The following CDH13 variants were observed in gnomAD, a reference collection of about 807,000 sequenced individuals.
The protein encoded by CDH13 is cadherin-13.
Under a neutral mutation model 63.8 loss-of-function variants are expected in CDH13, and 24 were observed. The ratio of observed to expected loss-of-function variants is 0.38; its 90% CI spans 0.27 to 0.53. The LOEUF (loss-of-function observed/expected upper bound fraction) is 0.53, where lower values mean the gene tolerates loss of function less well. CDH13 is among the 20% of genes least tolerant of loss of function. The probability of loss-of-function intolerance (pLI) is 0.85; values close to 1 mark genes in which losing one functional copy is unlikely to be tolerated. For synonymous variants in CDH13, 503 were observed against 355.3 expected (o/e 1.42, Z -4.67); for missense variants, 1,049 against 903.1 (o/e 1.16, Z -2.07).
Position 83,565,351 on chromosome 16 carries a change from G to GC in CDH13, c.961-37100dup, listed in dbSNP as rs565603070. 3.2e-3 allele frequency among the ~76,000 whole-genome samples: 468 copies of GC among 145,788 alleles called. 3 individuals are homozygous for GC. The highest frequency in any genetic ancestry group is 0.011 in the African/African-American group (447 of 39,654). On this transcript the variant is annotated intron_variant, in intron 7 of 13. Transcript: ENST00000567109. ...AGCCCTGACAACCCTGACCTCACAT[G>GC]CCCTTGGGATTTCCGTTCCTCTTCC...
intron 5 of CDH13, among the ~76,000 whole-genome samples, chr16:83,243,252 A>G (rs1189091850): frequency 6.6e-6 from 1 of 152,184 alleles, no homozygotes; most frequent in East Asian, 1.9e-4. Context: ...CGACTGGGTA[A>G]TTTATAAAGA....
intron 6 of CDH13, among the ~76,000 whole-genome samples, chr16:83,476,945 T>C (rs1476703176): frequency 6.6e-6 from 1 of 152,084 alleles, no homozygotes; most frequent in East Asian, 1.9e-4. Context: ...GATAAAAAGA[T>C]TAAGTGGAAT....
At chr16:83,708,219 A>G (rs1036112532) in intron 10 of CDH13, among the ~76,000 whole-genome samples, 12 of 152,232 alleles carry the variant, frequency 7.9e-5, no homozygotes, top group Admixed American at 5.2e-4. Context: ...TCATGGCCAC[A>G]TGCCTTGCAG....
intron 6 of CDH13, among the ~76,000 whole-genome samples, chr16:83,452,672 C>T (rs745853075): frequency 1.3e-5 from 2 of 151,888 alleles, no homozygotes; most frequent in African/African-American, 2.4e-5. Flanking sequence ...TTTAAAGAAG[C>T]TTGCAATTAA....
At chr16:83,250,870 T>C (rs1214379798) in intron 5 of CDH13, among the ~76,000 whole-genome samples, 1 of 152,218 alleles carries the variant, frequency 6.6e-6, no homozygotes, top group Non-Finnish European at 1.5e-5. Context: ...GTGACTTAAA[T>C]TCTTTGTTGC....
At chr16:83,556,944 C>T (rs1240597719) in intron 7 of CDH13, among the ~76,000 whole-genome samples, 1 of 152,184 alleles carries the variant, frequency 6.6e-6, no homozygotes, top group East Asian at 1.9e-4. Context: ...TGACAACTCT[C>T]AACCGATTTT....
At chr16:83,100,596 T>A (rs1415006493) in intron 3 of CDH13, among the ~76,000 whole-genome samples, 3 of 152,212 alleles carry the variant, frequency 2.0e-5, no homozygotes, top group Non-Finnish European at 4.4e-5. Context: ...CATCACCATT[T>A]CCCATGTCTG....
At chr16:82,905,168 C>T (rs749026398) in intron 2 of CDH13, among the ~76,000 whole-genome samples, 4 of 152,076 alleles carry the variant, frequency 2.6e-5, no homozygotes, top group East Asian at 1.9e-4. Flanking sequence ...TGTAACCATC[C>T]GGTGTGTTTA....
At chr16:83,661,696 A>G (rs762961129) in intron 8 of CDH13, among the ~76,000 whole-genome samples, 3 of 152,192 alleles carry the variant, frequency 2.0e-5, no homozygotes, top group Non-Finnish European at 4.4e-5. Flanking sequence ...AGACAGGGTC[A>G]TGTAGAGGAA....
At chr16:83,575,983 G>T (rs555159821) in intron 7 of CDH13, among the ~76,000 whole-genome samples, 1 of 152,122 alleles carries the variant, frequency 6.6e-6, no homozygotes, top group Non-Finnish European at 1.5e-5. Flanking sequence ...ATTCAGTGGC[G>T]TTTAGTACGT....
chr16:83,724,186 CAT>C (rs1910071038), intron 10 of CDH13, among the ~76,000 whole-genome samples: 1 of 119,648 alleles, frequency 8.4e-6, no homozygotes, highest in Non-Finnish European at 2.0e-5. Context: ...GTGATAAATG[CAT>C]GGGTGGGTGA....
chr16:82,832,948 C>G (rs988936176), intron 1 of CDH13, among the ~76,000 whole-genome samples: 5 of 152,144 alleles, frequency 3.3e-5, no homozygotes, highest in Admixed American at 2.0e-4. Flanking sequence ...GATGTTGGAT[C>G]CAGCCTACAT....
At chr16:82,709,303 A>AT (rs1184261852) in intron 1 of CDH13, among the ~76,000 whole-genome samples, 2 of 152,136 alleles carry the variant, frequency 1.3e-5, no homozygotes, top group Admixed American at 1.3e-4. Context: ...TGAACTTGCA[A>AT]TTTTTTTCTG....
chr16:83,674,415 G>T (rs1368036369), intron 9 of CDH13, among the ~76,000 whole-genome samples: 2 of 152,234 alleles, frequency 1.3e-5, no homozygotes, highest in Non-Finnish European at 2.9e-5. Context: ...GTGCTCTTAT[G>T]AGACCCTCTC....
chr16:83,243,601 C>T, intron 5 of CDH13, among the ~76,000 whole-genome samples: 1 of 152,132 alleles, frequency 6.6e-6, no homozygotes, highest in East Asian at 1.9e-4. Flanking sequence ...CTGGGAGATT[C>T]ACTTGGCAAT....
chr16:83,168,517 C>T (rs1597455271), intron 4 of CDH13, among the ~76,000 whole-genome samples: 1 of 152,036 alleles, frequency 6.6e-6, no homozygotes, highest in South Asian at 2.1e-4. Context: ...CTTTACCTAA[C>T]TTCTCCAAAA....
At chr16:83,159,695 C>A (rs969242922) in intron 4 of CDH13, among the ~76,000 whole-genome samples, 1 of 152,188 alleles carries the variant, frequency 6.6e-6, no homozygotes, top group African/African-American at 2.4e-5. Context: ...ACGTACATGG[C>A]ATCCATTTAA....
intron 2 of CDH13, among the ~76,000 whole-genome samples, chr16:83,021,176 C>G (rs1247334884): frequency 6.6e-6 from 1 of 152,194 alleles, no homozygotes; most frequent in Non-Finnish European, 1.5e-5. Context: ...CTCAAATCTT[C>G]ACTTGAGTTG....
chr16:82,907,982 C>A (rs1043301194), intron 2 of CDH13, among the ~76,000 whole-genome samples: 5 of 152,106 alleles, frequency 3.3e-5, no homozygotes, highest in Non-Finnish European at 5.9e-5. Context: ...GGTGCTTCTG[C>A]CCTAAGACCT....
Sources: gnomAD v4.1 joint callset for allele counts (sites outside exome capture counted in the v4.1 genomes callset) on GRCh38, gnomAD v4.1.1 for gene constraint, MANE v1.5 for transcripts, NCBI Gene and HGNC (gene_info 2026-07-23, HGNC 2026-07-21) for gene names.